TCTN2: variants seen among roughly 807,000 people sequenced by gnomAD.
The protein encoded by TCTN2 is tectonic family member 2.
TCTN2 carries 66 observed loss-of-function variants against 83.4 expected under a neutral mutation model. The ratio of observed to expected loss-of-function variants is 0.79; its 90% CI spans 0.65 to 0.97. The LOEUF is 0.97. TCTN2 is among the 50% of genes least tolerant of loss of function. TCTN2 has a pLI of 0.00. For missense variants in TCTN2, 794 were observed against 858.1 expected (o/e 0.93, Z 0.93); for synonymous variants, 301 against 326.7 (o/e 0.92, Z 0.85).
chr12:123,681,326 ACC>A (rs774540667), intron 5 of TCTN2, among the ~76,000 whole-genome samples: 1 of 152,108 alleles, frequency 6.6e-6, no homozygotes, highest in Non-Finnish European at 1.5e-5. Flanking sequence ...CAGTTGTACA[ACC>A]ATCACCACAA....
intron 8 of TCTN2, among the ~76,000 whole-genome samples, chr12:123,692,083 C>T (rs919430266): frequency 2.0e-5 from 3 of 152,000 alleles, no homozygotes; most frequent in Admixed American, 1.3e-4. Flanking sequence ...TTAGTAGAGA[C>T]GAAGTTTAGT....
rs921429450 is a variant in TCTN2 at position 123,690,619 on chromosome 12, A to T, written c.978A>T (p.Leu326=). The T allele has an allele frequency of 6.2e-7, 1 of 1,614,234 alleles. No individual in the cohort carries two copies. The highest frequency in any genetic ancestry group is 2.2e-5 in the East Asian group (1 of 44,888). Residue 326 remains leucine (L), a synonymous_variant, in exon 8 of 18, where the codon CTA becomes CTT. Coordinates refer to ENST00000303372, the MANE Select transcript of TCTN2 (RefSeq NM_024809.5). Reference sequence around the variant, plus strand: ...TTAAATGCGTTACTAATTTGGAACTATACCAAGAACGAGATGGTATTATCA... The same window carrying T: ...TTAAATGCGTTACTAATTTGGAACTTTACCAAGAACGAGATGGTATTATCA... ...FDVKCVTNLE[L]YQERDGIINA...
chr12:123,706,324 C>T (rs546895329), intron 15 of TCTN2, among the ~76,000 whole-genome samples: 143 of 152,300 alleles, frequency 9.4e-4, no homozygotes, highest in Non-Finnish European at 7.5e-4. Flanking sequence ...GTGTTGCAAG[C>T]AAGTTATCTC....
chr12:123,693,794 G>A lies in TCTN2; in HGVS notation c.1100-1048G>A, dbSNP rs1164236873. On this transcript the variant is annotated intron_variant, in intron 9 of 17. Transcript: ENST00000303372. ...TACCAGAACTTTAGTTTTTAATGAAGGATACTGTTTGTTTCTTTCTTTTCT... is the reference window on the plus strand; with the variant it reads ...TACCAGAACTTTAGTTTTTAATGAAAGATACTGTTTGTTTCTTTCTTTTCT... Among the ~76,000 whole-genome samples, 4 of 149,996 alleles carry A rather than the reference G, an allele frequency of 2.7e-5. No individual in the cohort carries two copies. In the East Asian group the frequency reaches 6.0e-4, roughly 22 times the overall value.
intron 5 of TCTN2, among the ~76,000 whole-genome samples, chr12:123,682,043 T>A (rs1421631977): frequency 6.6e-6 from 1 of 152,322 alleles, no homozygotes; most frequent in East Asian, 1.9e-4. Context: ...CAATCACAGC[T>A]CACTGCAGCC....
chr12:123,687,856 C>T (rs563004427), intron 6 of TCTN2, among the ~76,000 whole-genome samples, 195 bp from the exon 7 acceptor site: 9 of 151,814 alleles, frequency 5.9e-5, no homozygotes, highest in South Asian at 2.1e-4. Flanking sequence ...CCAGCTTACT[C>T]GGGAGACTGA....
chr12:123,672,130 G>A lies in TCTN2; in HGVS notation c.265G>A (p.Ala89Thr), dbSNP rs1488970629. ...CTGGAGCGTGACTGTGATCCCCGGT[G>A]CGGTAAGGCCAGAAGTAAACCTTCT... ...EDWSVTVIPG[A>T]KVLEVTVRWK... Residue 89 changes from alanine to threonine, a missense_variant and splice_region_variant, in exon 3 of 18, where the codon GCG (alanine) becomes ACG (threonine). Physicochemically the swap from Ala to Thr is moderately conservative, Grantham distance 58 (BLOSUM62 0). Transcript: ENST00000303372. 2.5e-6 allele frequency: 4 copies of A among 1,614,146 alleles called. No homozygotes were observed. The highest frequency in any genetic ancestry group is 3.4e-6 in the Non-Finnish European group (4 of 1,179,972).
rs187431206 is a variant in TCTN2, at chr12:123,704,757, G to A, written c.1769+69G>A. On this transcript the variant is annotated intron_variant, in intron 15 of 17. Coordinates refer to ENST00000303372, the MANE Select transcript of TCTN2 (RefSeq NM_024809.5). ...AAAGTTGAGAGCATCCCAAACAATA[G>A]GGAAATGTTTATTTAGAAACTGATT... 2.5e-5 allele frequency: 39 copies of A among 1,533,164 alleles called. No individual in the cohort carries two copies. The East Asian group carries it at 8.6e-4, about 34-fold the overall frequency. The allele number at this position is 1,533,164 out of a possible 1,614,324, so 95.0% of individuals were successfully genotyped here.
At chr12:123,680,602 C>A (rs778393007) in intron 5 of TCTN2, among the ~76,000 whole-genome samples, 1 of 150,948 alleles carries the variant, frequency 6.6e-6, no homozygotes. Context: ...CTGCAACCTC[C>A]ACCTCCTGGA....
intron 5 of TCTN2, among the ~76,000 whole-genome samples, chr12:123,686,298 C>T (rs1238025954): frequency 2.0e-5 from 3 of 152,154 alleles, no homozygotes; most frequent in African/African-American, 4.8e-5. Flanking sequence ...CCACCTGCCT[C>T]GGCCTCCCAA....
At chr12:123,672,623 A>G (rs1363734848) in intron 3 of TCTN2, among the ~76,000 whole-genome samples, 1 of 151,160 alleles carries the variant, frequency 6.6e-6, no homozygotes, top group Non-Finnish European at 1.5e-5. Flanking sequence ...AGTCCCAGAT[A>G]CTTGGAGGGG....
intron 8 of TCTN2, among the ~76,000 whole-genome samples, chr12:123,691,467 G>A (rs1005640047): frequency 2.6e-5 from 4 of 152,186 alleles, no homozygotes; most frequent in Non-Finnish European, 5.9e-5. Flanking sequence ...TGTTTGTAGT[G>A]TGTGGCAGCA....
chr12:123,693,875 T>C (rs1442405443), intron 9 of TCTN2, among the ~76,000 whole-genome samples: 1 of 151,656 alleles, frequency 6.6e-6, no homozygotes, highest in Non-Finnish European at 1.5e-5. Flanking sequence ...TGGAGTGCAA[T>C]AGGGTGATCT....
intron 7 of TCTN2, 46 bp downstream of exon 7, chr12:123,688,223 T>G: frequency 6.3e-7 from 1 of 1,584,676 alleles, no homozygotes; most frequent in Non-Finnish European, 8.6e-7. Flanking sequence ...CTTTTTTTTT[T>G]TTTTTTTTAT....
At chr12:123,677,342 A>G (rs1232837147) in intron 4 of TCTN2, among the ~76,000 whole-genome samples, 1 of 152,224 alleles carries the variant, frequency 6.6e-6, no homozygotes. Flanking sequence ...GATAGAACAG[A>G]TCGTTAGTTG....
chr12:123,695,104 A>G (rs996261488), intron 10 of TCTN2, 116 bp from the exon 11 acceptor site: 11 of 1,443,896 alleles, frequency 7.6e-6, no homozygotes, highest in Admixed American at 1.7e-5. Flanking sequence ...TTATGATTTA[A>G]TTAACGAGAG....
chr12:123,683,632 C>T (rs1955927186), intron 5 of TCTN2, among the ~76,000 whole-genome samples: 1 of 151,844 alleles, frequency 6.6e-6, no homozygotes, highest in African/African-American at 2.4e-5. Context: ...AGAAGAAGCA[C>T]TGAAGCACAT....
intron 14 of TCTN2, among the ~76,000 whole-genome samples, chr12:123,702,200 A>G (rs1956180407): frequency 6.6e-6 from 1 of 152,186 alleles, no homozygotes; most frequent in East Asian, 1.9e-4. Flanking sequence ...TTGGGACCAG[A>G]AAGAGCCCAA....
chr12:123,692,178 T>C (rs538558937), intron 8 of TCTN2, among the ~76,000 whole-genome samples: 1 of 152,292 alleles, frequency 6.6e-6, no homozygotes, highest in East Asian at 1.9e-4. Flanking sequence ...CCCAGAGTGC[T>C]GGGATTACGG....
Sources: allele counts gnomAD v4.1 joint callset (sites outside exome capture counted in the v4.1 genomes callset), GRCh38; gene constraint gnomAD v4.1.1; transcripts MANE v1.5; gene names NCBI Gene and HGNC (gene_info 2026-07-23, HGNC 2026-07-21).